Variants in CACNA2D3 observed in about 807,000 individuals in gnomAD.
CACNA2D3 encodes calcium voltage-gated channel auxiliary subunit alpha2delta 3.
A neutral mutation model predicts 160.6 loss-of-function variants in CACNA2D3; 60 were observed. The observed-to-expected ratio is 0.37, with a 90% CI of 0.30 to 0.46. The LOEUF (loss-of-function observed/expected upper bound fraction) is 0.46. Among genes scored for constraint, CACNA2D3 ranks in the 20% least tolerant of loss-of-function variants. CACNA2D3 has a pLI of 1.00. For missense variants in CACNA2D3, 1,205 were observed against 1,365.0 expected (o/e 0.88, Z 1.85); for synonymous variants, 558 against 492.9 (o/e 1.13, Z -1.75).
chr3:54,567,094 G>A (rs1170048429), intron 6 of CACNA2D3, among the ~76,000 whole-genome samples: 1 of 152,184 alleles, frequency 6.6e-6, no homozygotes, highest in Admixed American at 6.5e-5. Flanking sequence ...CATAGCAACT[G>A]TCTTGCTATA....
intron 11 of CACNA2D3, among the ~76,000 whole-genome samples, chr3:54,717,862 G>A (rs543946761): frequency 2.4e-4 from 36 of 148,482 alleles, no homozygotes; most frequent in African/African-American, 8.2e-4. Context: ...GTGTATGTGC[G>A]TGCGTGTGTG....
intron 27 of CACNA2D3, among the ~76,000 whole-genome samples, chr3:54,946,755 AC>A (rs1340532082): frequency 6.6e-6 from 1 of 151,662 alleles, no homozygotes; most frequent in Non-Finnish European, 1.5e-5. Context: ...TTTCTTAAAC[AC>A]CCGAAATCAT....
Position 54,957,180 on chromosome 3 carries a change from T to C in CACNA2D3, c.2450-11270T>C, listed in dbSNP as rs947661325. Among the ~76,000 whole-genome samples the C allele has an allele frequency of 2.1e-5, 3 of 139,842 alleles. No homozygotes were observed. The Admixed American group carries it at 2.2e-4, about 10-fold the overall frequency. The allele number at this position is 139,842 out of a possible 152,430, so 91.7% of individuals were successfully genotyped here. A position where few individuals can be genotyped will look rare whatever the true frequency, so the allele number is the denominator to read the frequency against. Reference sequence around the variant, plus strand: ...AAAATAATTTTCTTTTTTTTTTTTTTAGAGACAGGGTTTCTGTCCCCCAGG... The same window carrying C: ...AAAATAATTTTCTTTTTTTTTTTTTCAGAGACAGGGTTTCTGTCCCCCAGG... On this transcript the variant is annotated intron_variant, in intron 27 of 37. Transcript: ENST00000474759.
At chr3:54,925,586 A>T (rs1700990668) in intron 27 of CACNA2D3, among the ~76,000 whole-genome samples, 1 of 152,174 alleles carries the variant, frequency 6.6e-6, no homozygotes, top group Non-Finnish European at 1.5e-5. Context: ...TGTGTAAAAG[A>T]GTGTTAGAGG....
intron 2 of CACNA2D3, among the ~76,000 whole-genome samples, chr3:54,286,272 C>T (rs7634450): frequency 0.22 from 32,707 of 151,946 alleles, 3,699 homozygotes; most frequent in East Asian, 0.32. Flanking sequence ...TCGAGAACTA[C>T]GTGAAGAATG....
intron 33 of CACNA2D3, 27 bp downstream of exon 33, chr3:55,007,869 G>T (rs1412949776): frequency 1.2e-5 from 17 of 1,468,374 alleles, no homozygotes; most frequent in Admixed American, 2.7e-5. Context: ...GCATTTTTTT[G>T]AAAAGTATTA....
intron 14 of CACNA2D3, among the ~76,000 whole-genome samples, chr3:54,819,705 C>T (rs1050256993): frequency 6.6e-6 from 1 of 152,048 alleles, no homozygotes; most frequent in Non-Finnish European, 1.5e-5. Flanking sequence ...ATTAGCCGGG[C>T]GTGGTGGCGC....
intron 11 of CACNA2D3, among the ~76,000 whole-genome samples, chr3:54,739,793 G>A (rs11918101): frequency 0.22 from 29,304 of 131,076 alleles, 3,125 homozygotes; most frequent in African/African-American, 0.26. Flanking sequence ...GTGTGTGTGT[G>A]TGGAATTATA....
chr3:54,726,822 C>T (rs1393738195), intron 11 of CACNA2D3, among the ~76,000 whole-genome samples: 4 of 152,118 alleles, frequency 2.6e-5, no homozygotes, highest in East Asian at 1.9e-4. Context: ...TGTAAGGAAA[C>T]GTGGGTAATA....
rs59100168 is a variant in CACNA2D3 at position 54,298,944 on chromosome 3, TAAAA to T, written c.205-21472_205-21469del. Among the ~76,000 whole-genome samples, 424 of 99,208 alleles carry T rather than the reference TAAAA, an allele frequency of 4.3e-3. 3 individuals carry two copies. Among genetic ancestry groups the T allele is most frequent in the South Asian group, 0.028 (86 of 3,044 alleles). 65.1% of individuals were successfully genotyped at this position (99,208 alleles called of 152,430 possible). A position where few individuals can be genotyped will look rare whatever the true frequency, so the allele number is the denominator to read the frequency against. On this transcript the variant is annotated intron_variant, in intron 2 of 37. Transcript: ENST00000474759. ...AGCAACAGAGCAAGACTCTGTTTCT[TAAAA>T]AAAAAAAAAAAAAAAAAAAAAAAAA...
rs532723850 is a variant in CACNA2D3 at position 54,886,480 on chromosome 3, A to G, written c.2056+894A>G. 1.1e-4 allele frequency among the ~76,000 whole-genome samples: 16 copies of G among 152,304 alleles called. No individual in the cohort carries two copies. The South Asian group carries it at 3.3e-3, about 32-fold the overall frequency. Reference sequence around the variant, plus strand: ...ACATTTGTAGTCACCATCCAGCTTTATGCAGTCGTAATATTTTGCCACACT... The same window carrying G: ...ACATTTGTAGTCACCATCCAGCTTTGTGCAGTCGTAATATTTTGCCACACT... On this transcript the variant is annotated intron_variant, in intron 23 of 37. Transcript: ENST00000474759.
chr3:54,811,752 C>G (rs763348817), intron 13 of CACNA2D3, among the ~76,000 whole-genome samples: 1 of 152,018 alleles, frequency 6.6e-6, no homozygotes, highest in African/African-American at 2.4e-5. Flanking sequence ...CTGCTCACCT[C>G]GGCCTCCCAA....
rs1220547764 is a variant in CACNA2D3, at chr3:54,339,072, A to G, written c.321+18514A>G. 2.6e-5 allele frequency among the ~76,000 whole-genome samples: 4 copies of G among 152,170 alleles called. No homozygotes were observed. In the South Asian group the frequency reaches 6.2e-4, roughly 24 times the overall value. On this transcript the variant is annotated intron_variant, in intron 3 of 37. Coordinates refer to ENST00000474759, the MANE Select transcript of CACNA2D3 (RefSeq NM_018398.3). ...TATTGCAGAGAACTTGTCATCCTCT[A>G]TGATTTCTGACTTTATTTACAATGA... is the stretch of plus-strand genomic sequence containing the variant.
chr3:54,337,938 T>TA (rs1172033900), intron 3 of CACNA2D3, among the ~76,000 whole-genome samples: 2 of 152,112 alleles, frequency 1.3e-5, no homozygotes, highest in African/African-American at 4.8e-5. Context: ...CCTTTTTGGT[T>TA]ATTAAGACAC....
chr3:54,181,691 C>T (rs1423155224), intron 2 of CACNA2D3, among the ~76,000 whole-genome samples: 9 of 152,092 alleles, frequency 5.9e-5, no homozygotes, highest in East Asian at 1.9e-4. Context: ...GGTGCTTTCA[C>T]GTAAATTATT....
chr3:54,921,657 G>A (rs552948492), intron 27 of CACNA2D3, among the ~76,000 whole-genome samples: 4 of 152,150 alleles, frequency 2.6e-5, no homozygotes, highest in South Asian at 2.1e-4. Context: ...TAAAGCCCCC[G>A]TGTAATCCGC....
At chr3:54,314,892 C>T (rs1703827582) in intron 2 of CACNA2D3, among the ~76,000 whole-genome samples, 1 of 152,014 alleles carries the variant, frequency 6.6e-6, no homozygotes, top group Non-Finnish European at 1.5e-5. Flanking sequence ...CCATAGTCAT[C>T]GCTTCCATTT....
At chr3:55,030,491 G>A (rs1703664757) in intron 35 of CACNA2D3, among the ~76,000 whole-genome samples, 1 of 152,116 alleles carries the variant, frequency 6.6e-6, no homozygotes, top group Admixed American at 6.5e-5. Flanking sequence ...TATGTTTATG[G>A]TTGCTAAAAT....
intron 3 of CACNA2D3, among the ~76,000 whole-genome samples, chr3:54,373,940 A>C (rs1189000962): frequency 6.6e-6 from 1 of 152,238 alleles, no homozygotes; most frequent in East Asian, 1.9e-4. Context: ...CCACTTTCAC[A>C]GCTCTCTGCA....
Sources: gnomAD v4.1 joint callset for allele counts (sites outside exome capture counted in the v4.1 genomes callset) on GRCh38, gnomAD v4.1.1 for gene constraint, MANE v1.5 for transcripts, NCBI Gene and HGNC (gene_info 2026-07-23, HGNC 2026-07-21) for gene names.